Variants in CSMD3 observed in about 807,000 individuals in gnomAD.
CSMD3 encodes CUB and Sushi multiple domains 3.
Under a neutral mutation model 435.2 loss-of-function variants are expected in CSMD3, and 177 were observed. The ratio of observed to expected loss-of-function variants is 0.41; its 90% CI spans 0.36 to 0.46. The LOEUF is 0.46. Among genes scored for constraint, CSMD3 ranks in the 20% least tolerant of loss-of-function variants. The pLI is 0.34. For missense variants in CSMD3, 4,265 were observed against 4,504.6 expected, an observed-to-expected ratio of 0.95 and a Z score of 1.52; for synonymous variants, 1,656 against 1,520.5, an observed-to-expected ratio of 1.09 and a Z score of -2.07.
intron 28 of CSMD3, among the ~76,000 whole-genome samples, chr8:112,515,710 T>C (rs1417294269): frequency 6.6e-6 from 1 of 152,048 alleles, no homozygotes; most frequent in African/African-American, 2.4e-5. Context: ...ATTTACTTCT[T>C]TGTCATTTGT....
chr8:112,592,729 A>G (rs1348102610), intron 22 of CSMD3, among the ~76,000 whole-genome samples: 1 of 152,114 alleles, frequency 6.6e-6, no homozygotes, highest in Non-Finnish European at 1.5e-5. Context: ...ATGAACAGCT[A>G]CTGAAGGTCT....
rs140480284 is a variant in CSMD3 at position 112,670,681 on chromosome 8, G to C, written c.2678-4266C>G. Among the ~76,000 whole-genome samples, 4 of 152,264 alleles carry C rather than the reference G, an allele frequency of 2.6e-5. No homozygotes were observed. In the East Asian group the frequency reaches 7.7e-4, roughly 29 times the overall value. On this transcript the variant is annotated intron_variant, in intron 16 of 70. Coordinates refer to ENST00000297405, the MANE Select transcript of CSMD3 (RefSeq NM_198123.2). ...TTGAGCCCTTGGCATGTGCAATAGGGTGGATGGTGATTCCATTCACCAAAA... is the reference window on the plus strand; with the variant it reads ...TTGAGCCCTTGGCATGTGCAATAGGCTGGATGGTGATTCCATTCACCAAAA...
chr8:112,398,190 G>A (rs991054691), intron 35 of CSMD3, among the ~76,000 whole-genome samples: 15 of 152,168 alleles, frequency 9.9e-5, no homozygotes, highest in African/African-American at 3.6e-4. Flanking sequence ...CTGTTCTTCA[G>A]TCCCACTGGG....
intron 10 of CSMD3, among the ~76,000 whole-genome samples, chr8:112,862,490 C>A (rs1216494097): frequency 6.6e-6 from 1 of 151,912 alleles, no homozygotes; most frequent in Non-Finnish European, 1.5e-5. Flanking sequence ...TAGGAGGTTT[C>A]CTTAATCCTG....
intron 11 of CSMD3, among the ~76,000 whole-genome samples, chr8:112,854,727 C>T (rs1444678434): frequency 6.6e-6 from 1 of 152,154 alleles, no homozygotes; most frequent in Non-Finnish European, 1.5e-5. Context: ...TGATAAAGTA[C>T]AGAATCTTAA....
chr8:112,805,690 T>C (rs1189817514), intron 12 of CSMD3, among the ~76,000 whole-genome samples: 2 of 152,220 alleles, frequency 1.3e-5, no homozygotes, highest in Non-Finnish European at 2.9e-5. Flanking sequence ...AAGTTTTTTC[T>C]CCGATTTATC....
intron 18 of CSMD3, among the ~76,000 whole-genome samples, chr8:112,650,601 G>A (rs2075100730): frequency 6.6e-6 from 1 of 152,018 alleles, no homozygotes; most frequent in Admixed American, 6.6e-5. Context: ...ACTTTGTATT[G>A]TTATAAATTT....
intron 5 of CSMD3, among the ~76,000 whole-genome samples, chr8:113,026,610 G>A (rs2086885721): frequency 6.6e-6 from 1 of 152,196 alleles, no homozygotes; most frequent in Admixed American, 6.5e-5. Flanking sequence ...GATGCATAGT[G>A]AGTGTATACT....
intron 6 of CSMD3, among the ~76,000 whole-genome samples, chr8:112,992,712 G>A (rs1279254698): frequency 6.6e-6 from 1 of 151,804 alleles, no homozygotes; most frequent in Non-Finnish European, 1.5e-5. Context: ...TTTATTCTAA[G>A]TCAGCAATGG....
intron 32 of CSMD3, among the ~76,000 whole-genome samples, chr8:112,416,508 T>C (rs1288966081): frequency 1.3e-5 from 2 of 152,220 alleles, no homozygotes; most frequent in African/African-American, 4.8e-5. Context: ...CACGAATGAT[T>C]TCTTTTTAAA....
chr8:112,337,693 G>A lies in CSMD3; in HGVS notation c.6691C>T (p.Arg2231Ter), dbSNP rs751474008. 9.9e-6 allele frequency: 16 copies of A among 1,613,566 alleles called. No individual in the cohort carries two copies. Among genetic ancestry groups the A allele is most frequent in the African/African-American group, 1.3e-5 (1 of 74,880 alleles). The change falls in exon 43 of 71, where the codon CGA becomes TGA. Residue 2231 changes from arginine (R) to a stop codon, truncating the protein, a stop_gained. Coordinates refer to ENST00000297405, the MANE Select transcript of CSMD3 (RefSeq NM_198123.2). LOFTEE classifies it high-confidence loss of function. ...TCATTACCAATTACAAAACCATTTC[G>A]AAACGGGCGTGGATCAGGACAGCTT... ...LQSCPDPRPF[R>*]NGFVIGNDFT...
At chr8:112,632,538 C>T (rs970403908) in intron 22 of CSMD3, among the ~76,000 whole-genome samples, 1 of 152,032 alleles carries the variant, frequency 6.6e-6, no homozygotes, top group Admixed American at 6.6e-5. Flanking sequence ...CAAATCATTA[C>T]TAATATTTAA....
chr8:112,316,029 T>C lies in CSMD3; in HGVS notation c.7361-1412A>G, dbSNP rs190059119. Among the ~76,000 whole-genome samples the C allele has an allele frequency of 1.7e-3, 254 of 151,944 alleles. 2 individuals are homozygous for C. The highest frequency in any genetic ancestry group is 0.01 in the Middle Eastern group (3 of 294). On this transcript the variant is annotated intron_variant, in intron 47 of 70. Coordinates refer to ENST00000297405, the MANE Select transcript of CSMD3 (RefSeq NM_198123.2). ...TGAGTTATAAAGTCTCCAACAAGTA[T>C]AGGAGTAGAAAAGAGTAACTAACAT... is the stretch of plus-strand genomic sequence containing the variant.
intron 53 of CSMD3, among the ~76,000 whole-genome samples, chr8:112,299,672 T>G (rs1820718106): frequency 6.6e-6 from 1 of 152,044 alleles, no homozygotes; most frequent in Non-Finnish European, 1.5e-5. Flanking sequence ...TATAAGCACA[T>G]TCTCATGGCC....
At chr8:113,112,012 C>T (rs2090657016) in intron 4 of CSMD3, among the ~76,000 whole-genome samples, 1 of 148,094 alleles carries the variant, frequency 6.8e-6, no homozygotes, top group African/African-American at 2.6e-5. Context: ...ACTGACTTCC[C>T]TTCTTCTTCT....
At chr8:113,182,742 T>C (rs1271327956) in intron 3 of CSMD3, among the ~76,000 whole-genome samples, 2 of 152,024 alleles carry the variant, frequency 1.3e-5, no homozygotes, top group African/African-American at 4.8e-5. Flanking sequence ...TTGTCCTTTG[T>C]CTATAAGGAG....
intron 25 of CSMD3, among the ~76,000 whole-genome samples, chr8:112,554,388 G>A (rs1192989929): frequency 6.6e-6 from 1 of 151,930 alleles, no homozygotes; most frequent in Non-Finnish European, 1.5e-5. Context: ...TAGTATTTAA[G>A]ATGTTATCAC....
At chr8:113,391,708 T>A (rs752605811) in intron 1 of CSMD3, among the ~76,000 whole-genome samples, 1 of 151,810 alleles carries the variant, frequency 6.6e-6, no homozygotes, top group South Asian at 2.1e-4. Context: ...GAAGATGCAA[T>A]TGACAGAACT....
chr8:113,003,963 C>G (rs546663283), intron 6 of CSMD3, among the ~76,000 whole-genome samples: 1 of 151,990 alleles, frequency 6.6e-6, no homozygotes, highest in South Asian at 2.1e-4. Flanking sequence ...AAACAATTCC[C>G]CCCAAAAAAG....
Sources: allele counts gnomAD v4.1 joint callset (sites outside exome capture counted in the v4.1 genomes callset), GRCh38; gene constraint gnomAD v4.1.1; transcripts MANE v1.5; gene names NCBI Gene and HGNC (gene_info 2026-07-23, HGNC 2026-07-21).